Variants in FBXW10 observed in about 807,000 individuals in gnomAD.
FBXW10 encodes F-box/WD repeat-containing protein 10.
A neutral mutation model predicts 113.1 loss-of-function variants in FBXW10; 68 were observed. The observed-to-expected ratio is 0.60, with a 90% CI of 0.49 to 0.74. The LOEUF (loss-of-function observed/expected upper bound fraction) is 0.74. Among genes scored for constraint, FBXW10 ranks in the 30% least tolerant of loss-of-function variants. FBXW10 has a pLI of 0.00. For synonymous variants in FBXW10, 289 were observed against 481.6 expected, an observed-to-expected ratio of 0.60 and a Z score of 5.24; for missense variants, 753 against 1,284.5, an observed-to-expected ratio of 0.59 and a Z score of 6.32.
In FBXW10 at chr17:18,768,586, A is replaced by G; in HGVS notation, c.1757A>G (p.His586Arg). ...AVKCLFFDQW[H>R]LLSGSTDGLV... ...AAATGCCTGTTCTTTGACCAGTGGC[A>G]TCTCCTCTCAGGAAGTACTGATGGC... Residue 586 changes from histidine (H) to arginine (R), a missense_variant, in exon 10 of 14, where the codon CAT (histidine) becomes CGT (arginine). His to Arg is a conservative substitution (Grantham distance 29, BLOSUM62 0). Transcript: ENST00000395665. 1 of 1,614,046 alleles carries G rather than the reference A, an allele frequency of 6.2e-7. No homozygotes were observed. Among genetic ancestry groups the G allele is most frequent in the East Asian group, 2.2e-5 (1 of 44,866 alleles).
intron 13 of FBXW10, among the ~76,000 whole-genome samples, chr17:18,778,046 C>A (rs909124487): frequency 6.6e-6 from 1 of 151,322 alleles, no homozygotes; most frequent in Non-Finnish European, 1.5e-5. Context: ...GTCAGGAGAT[C>A]GAGGCCATCC....
chr17:18,751,368 G>A (rs1189208559), intron 5 of FBXW10, among the ~76,000 whole-genome samples: 1 of 152,042 alleles, frequency 6.6e-6, no homozygotes, highest in Non-Finnish European at 1.5e-5. Flanking sequence ...TGGGACTACA[G>A]GAGCCCGCCA....
At chr17:18,768,742 T>G in intron 10 of FBXW10, 66 bp downstream of exon 10, 1 of 1,545,296 alleles carries the variant, frequency 6.5e-7, no homozygotes, top group East Asian at 2.3e-5. Flanking sequence ...TAGCCTAGAC[T>G]GCAATCATTG....
At chr17:18,775,334 C>G in intron 13 of FBXW10, 142 bp downstream of exon 13, 1 of 630,254 alleles carries the variant, frequency 1.6e-6, no homozygotes, top group Non-Finnish European at 2.9e-6. Context: ...CAAACTCTTT[C>G]TCTCACTCTA....
At chr17:18,763,652 T>C (rs1048995544) in intron 7 of FBXW10, among the ~76,000 whole-genome samples, 12 of 152,190 alleles carry the variant, frequency 7.9e-5, no homozygotes, top group Admixed American at 3.3e-4. Context: ...GAAGCATCAA[T>C]GGCAGTTGAG....
chr17:18,772,768 C>T, intron 12 of FBXW10, 85 bp downstream of exon 12: 1 of 1,218,088 alleles, frequency 8.2e-7, no homozygotes, highest in East Asian at 2.3e-5. Context: ...ACGGGGAGGA[C>T]TGGTTCGTTT....
At chr17:18,776,986 T>C (rs2035711837) in intron 13 of FBXW10, among the ~76,000 whole-genome samples, 1 of 151,854 alleles carries the variant, frequency 6.6e-6, no homozygotes, top group Non-Finnish European at 1.5e-5. Context: ...AATTCCTTTT[T>C]TTATAAAAGG....
At chr17:18,748,694 T>C (rs187051986) in intron 2 of FBXW10, among the ~76,000 whole-genome samples, 21 of 152,258 alleles carry the variant, frequency 1.4e-4, no homozygotes, top group Non-Finnish European at 2.5e-4. Context: ...CATCTGAAGA[T>C]AGAGATCAGA....
In FBXW10 at chr17:18,749,778, G is replaced by A; in HGVS notation, c.727G>A (p.Gly243Arg). The change falls in exon 3 of 14, where the codon GGA becomes AGA. Residue 243 changes from glycine (G) to arginine (R), a missense_variant. Gly to Arg is a moderately radical substitution (Grantham distance 125). Coordinates refer to ENST00000395665, the MANE Select transcript of FBXW10 (RefSeq NM_001267585.2). ...ATCCGAAATGAATAGGCTGTTTTCT[G>A]GAAAAGGAGACATAACCAAGCCAGG... ...CISEMNRLFS[G>R]KGDITKPGYD... The A allele has an allele frequency of 6.2e-7, 1 of 1,614,210 alleles. No homozygotes were observed. Among genetic ancestry groups the A allele is most frequent in the Non-Finnish European group, 8.5e-7 (1 of 1,180,024 alleles).
chr17:18,775,984 C>T (rs1020573575), intron 13 of FBXW10, among the ~76,000 whole-genome samples: 5 of 151,226 alleles, frequency 3.3e-5, no homozygotes, highest in Admixed American at 3.3e-4. Context: ...ATGATTGCAC[C>T]ACTGGGTGAC....
intron 13 of FBXW10, among the ~76,000 whole-genome samples, chr17:18,776,440 T>A (rs1447420018): frequency 6.6e-6 from 1 of 152,234 alleles, no homozygotes; most frequent in Admixed American, 6.5e-5. Context: ...AGTATAGTAG[T>A]GTTTCTTTGG....
chr17:18,750,235 G>C, intron 4 of FBXW10, 98 bp downstream of exon 4: 6 of 1,094,738 alleles, frequency 5.5e-6, no homozygotes, highest in Non-Finnish European at 6.5e-6. Context: ...CCCTTAGCTG[G>C]CCTCCTCCTC....
intron 8 of FBXW10, among the ~76,000 whole-genome samples, chr17:18,765,735 C>CT (rs929542257): frequency 1.6e-4 from 24 of 147,884 alleles, no homozygotes; most frequent in South Asian, 4.3e-4. Flanking sequence ...CAACTTCTTC[C>CT]TTTTTTTTTT....
chr17:18,744,471 T>C lies in FBXW10; in HGVS notation c.227T>C (p.Ile76Thr). Residue 76 changes from isoleucine to threonine, a missense_variant, in exon 1 of 14, where the codon ATC becomes ACC. Physicochemically the swap from Ile to Thr is moderately conservative, Grantham distance 89. Transcript: ENST00000395665. ...SLYLLHYFQN[I>T]LQTTQGKDFI... is the part of the protein sequence containing the mutation. The stretch of plus-strand genomic sequence containing the variant: ...TATTTGTTACACTATTTCCAAAATA[T>C]CCTTCAGACCACACAGGGAAAGGAT... 1 of 1,613,792 alleles carries C rather than the reference T, an allele frequency of 6.2e-7. No homozygotes were observed. The highest frequency in any genetic ancestry group is 8.5e-7 in the Non-Finnish European group (1 of 1,179,838).
In FBXW10 at chr17:18,773,944, G is replaced by C. The variant is rs574790785; in HGVS notation, c.2279-1192G>C. Among the ~76,000 whole-genome samples the C allele has an allele frequency of 3.9e-5, 6 of 152,314 alleles. No individual in the cohort carries two copies. In the South Asian group the frequency reaches 1.0e-3, roughly 26 times the overall value. On this transcript the variant is annotated intron_variant, in intron 12 of 13. Transcript: ENST00000395665. The stretch of plus-strand genomic sequence containing the variant: ...GGGAAAAGTGAAGATCCTTTAAATA[G>C]ACAAAAACAGAGGTGCTGAACAGAA...
intron 11 of FBXW10, among the ~76,000 whole-genome samples, chr17:18,770,594 G>A (rs909913142): frequency 2.7e-4 from 41 of 152,218 alleles, no homozygotes; most frequent in Non-Finnish European, 3.1e-4. Context: ...GAGCCACCAC[G>A]CCCGGCCTGT....
At position 18,749,924 on chromosome 17, in the gene FBXW10, T is replaced by G. The variant is rs773866777; in HGVS notation, c.871+2T>G. 2.4e-5 allele frequency: 38 copies of G among 1,613,564 alleles called. No individual in the cohort carries two copies. The highest frequency in any genetic ancestry group is 1.6e-4 in the Middle Eastern group (1 of 6,084). Reference sequence around the variant, plus strand: ...TCCACCTCTCCAAGTACATTCTAAGTATGCTGGGGTGTATGAGGGGATTTC... The same window carrying G: ...TCCACCTCTCCAAGTACATTCTAAGGATGCTGGGGTGTATGAGGGGATTTC... On this transcript the variant is annotated splice_donor_variant, in intron 3 of 13. Coordinates refer to ENST00000395665, the MANE Select transcript of FBXW10 (RefSeq NM_001267585.2). LOFTEE classifies it high-confidence loss of function.
Position 18,779,148 on chromosome 17 carries a change from A to G in FBXW10, c.3009A>G (p.Glu1003=). ...AGCACCAGGAAGCCAAGATGAAGGA[A>G]TATCAGGCCAGGGAGTCCACTGGAG... is the stretch of plus-strand genomic sequence containing the variant. The part of the protein sequence containing the change: ...EKEHQEAKMK[E]YQARESTGVV... The change falls in exon 14 of 14, where the codon GAA becomes GAG. Residue 1003 remains glutamate, a synonymous_variant. Transcript: ENST00000395665. The G allele has an allele frequency of 7.5e-7, 1 of 1,341,192 alleles. No homozygotes were observed. Among genetic ancestry groups the G allele is most frequent in the Non-Finnish European group, 1.0e-6 (1 of 955,188 alleles). 83.1% of individuals were successfully genotyped at this position (1,341,192 alleles called of 1,614,324 possible). A position where few individuals can be genotyped will look rare whatever the true frequency, so the allele number is the denominator to read the frequency against.
intron 7 of FBXW10, among the ~76,000 whole-genome samples, chr17:18,760,065 T>G (rs2035350781): frequency 6.6e-6 from 1 of 152,220 alleles, no homozygotes. Context: ...CCAATGTGGT[T>G]GTATTAATTT....
Sources: gnomAD v4.1 joint callset for allele counts (sites outside exome capture counted in the v4.1 genomes callset) on GRCh38, gnomAD v4.1.1 for gene constraint, MANE v1.5 for transcripts, NCBI Gene and HGNC (gene_info 2026-07-23, HGNC 2026-07-21) for gene names.